The following PRKN variants were observed in gnomAD, a reference collection of about 807,000 sequenced individuals.
PRKN encodes the protein parkin RBR E3 ubiquitin protein ligase.
A neutral mutation model predicts 59.5 loss-of-function variants in PRKN; 56 were observed. The observed-to-expected ratio is 0.94, with a 90% confidence interval of 0.76 to 1.18. The LOEUF (loss-of-function observed/expected upper bound fraction) is 1.18, where lower values mean the gene tolerates loss of function less well. Ranked by LOEUF, PRKN falls within the 50% of genes most tolerant of loss-of-function variation. PRKN has a pLI of 0.00. For missense variants in PRKN, 657 were observed against 596.4 expected (o/e 1.10, Z -1.06); for synonymous variants, 250 against 222.1 (o/e 1.13, Z -1.12).
At chr6:161,835,750 T>C (rs1185255094) in intron 6 of PRKN, among the ~76,000 whole-genome samples, 1 of 152,204 alleles carries the variant, frequency 6.6e-6, no homozygotes. Flanking sequence ...GCTCTTAAGG[T>C]GGACTTTTAA....
At chr6:161,891,397 G>C (rs564911728) in intron 6 of PRKN, among the ~76,000 whole-genome samples, 21 of 152,344 alleles carry the variant, frequency 1.4e-4, no homozygotes, top group African/African-American at 4.6e-4. Context: ...TGAGATGCCA[G>C]TGAGTTCTGC....
chr6:161,712,473 C>T (rs1786790224), intron 7 of PRKN, among the ~76,000 whole-genome samples: 1 of 152,150 alleles, frequency 6.6e-6, no homozygotes, highest in African/African-American at 2.4e-5. Context: ...TTTTACGATA[C>T]TTCTGAAACT....
chr6:162,047,308 T>C (rs909385724), intron 5 of PRKN, among the ~76,000 whole-genome samples: 1 of 152,172 alleles, frequency 6.6e-6, no homozygotes, highest in South Asian at 2.1e-4. Context: ...TTGACCACAG[T>C]GGGACCCCTC....
chr6:161,382,381 G>C (rs1316924755), intron 10 of PRKN, among the ~76,000 whole-genome samples: 1 of 152,106 alleles, frequency 6.6e-6, no homozygotes, highest in Non-Finnish European at 1.5e-5. Flanking sequence ...AGATCTATTA[G>C]AGAGAGCAGT....
chr6:161,998,787 A>T (rs1355871230), intron 5 of PRKN, among the ~76,000 whole-genome samples: 1 of 152,180 alleles, frequency 6.6e-6, no homozygotes, highest in Non-Finnish European at 1.5e-5. Flanking sequence ...TAAATTTGTC[A>T]TCGGGTCAAT....
At chr6:161,685,124 A>T (rs1785506406) in intron 7 of PRKN, among the ~76,000 whole-genome samples, 1 of 152,180 alleles carries the variant, frequency 6.6e-6, no homozygotes, top group Non-Finnish European at 1.5e-5. Flanking sequence ...CATTTTTTAA[A>T]TTTTTTAATT....
At chr6:161,595,828 T>C (rs1447192824) in intron 7 of PRKN, among the ~76,000 whole-genome samples, 1 of 152,118 alleles carries the variant, frequency 6.6e-6, no homozygotes, top group African/African-American at 2.4e-5. Context: ...AAGGAGGTGG[T>C]GCTATAATTT....
At chr6:162,686,034 C>A (rs1175006063) in intron 1 of PRKN, among the ~76,000 whole-genome samples, 1 of 152,072 alleles carries the variant, frequency 6.6e-6, no homozygotes, top group East Asian at 1.9e-4. Flanking sequence ...AGATAGGACT[C>A]CTTTCAAGCC....
intron 7 of PRKN, among the ~76,000 whole-genome samples, chr6:161,728,069 A>AC (rs1180222218): frequency 6.6e-6 from 1 of 152,162 alleles, no homozygotes; most frequent in Non-Finnish European, 1.5e-5. Context: ...CAAGAGCGAA[A>AC]GGTTTGTCTC....
intron 7 of PRKN, among the ~76,000 whole-genome samples, chr6:161,603,271 T>C (rs1782168242): frequency 6.6e-6 from 1 of 152,174 alleles, no homozygotes; most frequent in Admixed American, 6.5e-5. Context: ...TCAGACTCAT[T>C]TCCTATGATC....
chr6:161,844,711 G>A (rs1301995805), intron 6 of PRKN, among the ~76,000 whole-genome samples: 1 of 152,252 alleles, frequency 6.6e-6, no homozygotes, highest in Non-Finnish European at 1.5e-5. Context: ...CACAAGGTCA[G>A]AGGTTGAGGA....
chr6:161,653,966 A>G (rs1784244247), intron 7 of PRKN, among the ~76,000 whole-genome samples: 1 of 151,892 alleles, frequency 6.6e-6, no homozygotes, highest in Non-Finnish European at 1.5e-5. Flanking sequence ...TTGGGATCTG[A>G]TAGTCTCTAA....
intron 9 of PRKN, among the ~76,000 whole-genome samples, chr6:161,398,011 A>G (rs1786847321): frequency 6.6e-6 from 1 of 152,208 alleles, no homozygotes; most frequent in Admixed American, 6.5e-5. Context: ...GACGCTAGCC[A>G]GAGAGGGGGC....
chr6:162,338,814 T>G (rs1039815438), intron 2 of PRKN, among the ~76,000 whole-genome samples: 9 of 150,330 alleles, frequency 6.0e-5, no homozygotes, highest in Admixed American at 4.0e-4. Flanking sequence ...GAGGAGCGCC[T>G]CTTCCCGGCC....
Position 162,152,942 on chromosome 6 carries a change from A to G in PRKN, c.534+48189T>C, listed in dbSNP as rs1782336012. On this transcript the variant is annotated intron_variant, in intron 4 of 11. Transcript: ENST00000366898. ...TTTGTCTCAAAATGTGTTCCACAAA[A>G]AAGCAGTTCCACCAATGTGACCTGC... Among the ~76,000 whole-genome samples, 3 of 152,228 alleles carry G rather than the reference A, an allele frequency of 2.0e-5. No individual in the cohort carries two copies. The South Asian group carries it at 6.2e-4, about 32-fold the overall frequency.
At chr6:162,278,768 T>C (rs1174438120) in intron 2 of PRKN, among the ~76,000 whole-genome samples, 1 of 152,102 alleles carries the variant, frequency 6.6e-6, no homozygotes. Flanking sequence ...TTTGTAGATA[T>C]AGGCTGAAGT....
chr6:161,544,236 T>C lies in PRKN; in HGVS notation c.1083+4618A>G, dbSNP rs536003361. Among the ~76,000 whole-genome samples, 2 of 152,344 alleles carry C rather than the reference T, an allele frequency of 1.3e-5. No individual in the cohort carries two copies. The highest frequency in any genetic ancestry group is 4.1e-4 in the South Asian group (2 of 4,824). On this transcript the variant is annotated intron_variant, in intron 9 of 11. Coordinates refer to ENST00000366898, the MANE Select transcript of PRKN (RefSeq NM_004562.3). This position sits in a 1 kb window ranked among gnomAD's most constrained non-coding sequence, Gnocchi z 5.5. Reference sequence around the variant, plus strand: ...TAGAGCACACCAATTCTGTAAATTCTGCAGTACTTTCAGGTTTCTAATGGA... The same window carrying C: ...TAGAGCACACCAATTCTGTAAATTCCGCAGTACTTTCAGGTTTCTAATGGA...
rs1042791936 is a variant in PRKN at position 161,714,504 on chromosome 6, A to T, written c.871+71268T>A. Among the ~76,000 whole-genome samples the T allele has an allele frequency of 4.6e-5, 7 of 152,322 alleles. No individual in the cohort carries two copies. The South Asian group carries it at 8.3e-4, about 18-fold the overall frequency. On this transcript the variant is annotated intron_variant, in intron 7 of 11. Coordinates refer to ENST00000366898, the MANE Select transcript of PRKN (RefSeq NM_004562.3). ...ACCAGACACCAGTGCTGAAGTCTTT[A>T]TCTTGGACTTCCCGGCCTCCAGAGC...
intron 5 of PRKN, among the ~76,000 whole-genome samples, chr6:162,004,179 A>G (rs1204671239): frequency 1.3e-5 from 2 of 152,112 alleles, no homozygotes; most frequent in East Asian, 3.9e-4. Flanking sequence ...GCACTATCCC[A>G]CTTGGTACTG....
Sources: gnomAD v4.1 joint callset for allele counts (sites outside exome capture counted in the v4.1 genomes callset) on GRCh38, gnomAD v4.1.1 for gene constraint, Gnocchi (gnomAD v3.1) non-coding constraint, MANE v1.5 for transcripts, NCBI Gene and HGNC (gene_info 2026-07-23, HGNC 2026-07-21) for gene names.